Variants in PROKR1 observed in about 807,000 individuals in gnomAD.
PROKR1 encodes prokineticin receptor 1.
Under a neutral mutation model 22.8 loss-of-function variants are expected in PROKR1, and 21 were observed. That is an observed-to-expected ratio of 0.92 (90% CI 0.65 to 1.32). The LOEUF is 1.32. Ranked by LOEUF, PROKR1 falls within the 40% of genes most tolerant of loss-of-function variation. The pLI, the probability that PROKR1 is intolerant of heterozygous loss-of-function variation, is 0.00. For synonymous variants in PROKR1, 193 were observed against 207.5 expected (o/e 0.93, Z 0.60); for missense variants, 548 against 514.2 (o/e 1.07, Z -0.64).
chr2:68,649,491 CAGATGCTATTGCAAGCACTGG>C (rs1673264505), intron 2 of PROKR1: 1 of 152,150 alleles, frequency 6.6e-6, no homozygotes, highest in South Asian at 2.1e-4. Context: ...TGTGATGTGA[CAGATGCTATTGCAAGCACTGG>C]AGATACGACA....
chr2:68,646,381 G>C, intron 2 of PROKR1, 75 bp downstream of exon 2: 1 of 1,575,264 alleles, frequency 6.3e-7, no homozygotes, highest in Non-Finnish European at 8.7e-7. Context: ...CTCCTGTACT[G>C]CAGTTGCAGA....
Position 68,646,267 on chromosome 2 carries a change from A to C in PROKR1, c.446A>C (p.Tyr149Ser), listed in dbSNP as rs771163351. 9 of 1,614,088 alleles carry C rather than the reference A, an allele frequency of 5.6e-6. No homozygotes were observed. The highest frequency in any genetic ancestry group is 4.0e-5 in the African/African-American group (3 of 74,926). The change falls in exon 2 of 3, where the codon TAT becomes TCT. Residue 149 changes from tyrosine (Y) to serine (S), a missense_variant. Coordinates refer to ENST00000303786, the MANE Select transcript of PROKR1 (RefSeq NM_138964.4). The stretch of plus-strand genomic sequence containing the variant: ...AACTACCTGCGCACTGTCTCTCTCT[A>C]TGTCTCCACCAATGCCCTGCTGGCC... ...SVNYLRTVSL[Y>S]VSTNALLAIA... is the part of the protein sequence containing the mutation.
At chr2:68,653,620 C>G (rs1232792022) in intron 2 of PROKR1, among the ~76,000 whole-genome samples, 1 of 152,098 alleles carries the variant, frequency 6.6e-6, no homozygotes, top group Admixed American at 6.5e-5. Context: ...ACCAGTCAAT[C>G]CCCTCCCACT....
Position 68,655,699 on chromosome 2 carries a change from C to T in PROKR1, c.*123C>T. 1.1e-6 allele frequency: 1 copy of T among 906,908 alleles called. No individual in the cohort carries two copies. Among genetic ancestry groups the T allele is most frequent in the Non-Finnish European group, 1.7e-6 (1 of 578,578 alleles). The allele number at this position is 906,908 out of a possible 1,614,324, so 56.2% of individuals were successfully genotyped here. On this transcript the variant is annotated 3_prime_UTR_variant, in exon 3 of 3. Transcript: ENST00000303786. ...CAGAGGGTAAAGTAAATGGACCACT[C>T]TGTGAGCAATGTTTTCAAGGAGCTC...
At chr2:68,653,034 A>G (rs1673368873) in intron 2 of PROKR1, among the ~76,000 whole-genome samples, 1 of 152,222 alleles carries the variant, frequency 6.6e-6, no homozygotes, top group Admixed American at 6.5e-5. Context: ...AATCAGTGGA[A>G]TGTGGTGGGG....
In PROKR1 at chr2:68,645,888, C is replaced by T; in HGVS notation, c.67C>T (p.Leu23Phe). Residue 23 changes from leucine to phenylalanine, a missense_variant, in exon 2 of 3, where the codon CTC becomes TTC. Coordinates refer to ENST00000303786, the MANE Select transcript of PROKR1 (RefSeq NM_138964.4). ...TNTSTSFLSV[L>F]NPHGAHATSF... ...CACTTCCACCAGCTTCCTTTCTGTG[C>T]TCAACCCTCATGGAGCCCATGCCAC... 2 of 1,614,196 alleles carry T rather than the reference C, an allele frequency of 1.2e-6. No homozygotes were observed. The highest frequency in any genetic ancestry group is 2.2e-5 in the East Asian group (1 of 44,884).
Position 68,656,717 on chromosome 2 carries a change from G to A in PROKR1, c.*1141G>A, listed in dbSNP as rs1673480381. ...CCTCATCGATATGATTTGAGGGCAA[G>A]ATATCCTTATTACTGGCACCTGAAT... On this transcript the variant is annotated 3_prime_UTR_variant, in exon 3 of 3. Coordinates refer to ENST00000303786, the MANE Select transcript of PROKR1 (RefSeq NM_138964.4). The A allele has an allele frequency of 6.6e-6, 1 of 152,188 alleles. No individual in the cohort carries two copies. 9.4% of individuals were successfully genotyped at this position (152,188 alleles called of 1,614,324 possible).
intron 1 of PROKR1, among the ~76,000 whole-genome samples, chr2:68,645,387 A>G (rs1382493841): frequency 6.6e-6 from 1 of 152,158 alleles, no homozygotes; most frequent in East Asian, 1.9e-4. Context: ...CACACTCCCA[A>G]CTTTTGTCCT....
rs1246345252 is a variant in PROKR1 at position 68,643,657 on chromosome 2, G to C, written c.-352G>C. 2 of 152,346 alleles carry C rather than the reference G, an allele frequency of 1.3e-5. No individual in the cohort carries two copies. The highest frequency in any genetic ancestry group is 3.9e-4 in the East Asian group (2 of 5,194). The allele number at this position is 152,346 out of a possible 1,614,324, so 9.4% of individuals were successfully genotyped here. A position where few individuals can be genotyped will look rare whatever the true frequency, so the allele number is the denominator to read the frequency against. On this transcript the variant is annotated 5_prime_UTR_variant, in exon 1 of 3. Transcript: ENST00000303786. ...GAGGCGGGGACAGGGAGTCCGGCGCGGGCCGGGTCGGGGGATCTGCAGCGG... is the reference window on the plus strand; with the variant it reads ...GAGGCGGGGACAGGGAGTCCGGCGCCGGCCGGGTCGGGGGATCTGCAGCGG...
At position 68,643,744 on chromosome 2, in the gene PROKR1, G is replaced by C. The variant is rs1242760080; in HGVS notation, c.-265G>C. 1 of 152,318 alleles carries C rather than the reference G, an allele frequency of 6.6e-6. No individual in the cohort carries two copies. The highest frequency in any genetic ancestry group is 2.4e-5 in the African/African-American group (1 of 41,480). 9.4% of individuals were successfully genotyped at this position (152,318 alleles called of 1,614,324 possible). ...GAGCCCCGAGCAGAGGAGGAAGGGA[G>C]CGGGGACCTGCCCTTCGCCTGCCGG... On this transcript the variant is annotated 5_prime_UTR_variant, in exon 1 of 3. Coordinates refer to ENST00000303786, the MANE Select transcript of PROKR1 (RefSeq NM_138964.4).
At position 68,655,488 on chromosome 2, in the gene PROKR1, AC is replaced by A; in HGVS notation, c.1095del (p.Tyr365Ter). On this transcript the variant is annotated frameshift_variant, in exon 3 of 3. Transcript: ENST00000303786. LOFTEE classifies it high-confidence loss of function. ...KIMLLHWKAS[Y>X]NGGKSSADLD... ...ATGTTGCTCCACTGGAAGGCTTCTT[AC>A]AATGGCGGTAAGTCCAGTGCAGACC... 1 of 1,614,236 alleles carries A rather than the reference AC, an allele frequency of 6.2e-7. No homozygotes were observed. Among genetic ancestry groups the A allele is most frequent in the Non-Finnish European group, 8.5e-7 (1 of 1,180,016 alleles).
rs529585362 is a variant in PROKR1 at position 68,655,874 on chromosome 2, G to A, written c.*298G>A. The A allele has an allele frequency of 6.9e-6, 3 of 437,010 alleles. No individual in the cohort carries two copies. Among genetic ancestry groups the A allele is most frequent in the South Asian group, 4.3e-5 (2 of 46,400 alleles). The allele number at this position is 437,010 out of a possible 1,614,324, so 27.1% of individuals were successfully genotyped here. ...ATTGGAATTAAACCAAGGAAAATGTGGTGGTGTAGATAGAAATAAGGGAGT... is the reference window on the plus strand; with the variant it reads ...ATTGGAATTAAACCAAGGAAAATGTAGTGGTGTAGATAGAAATAAGGGAGT... On this transcript the variant is annotated 3_prime_UTR_variant, in exon 3 of 3. Coordinates refer to ENST00000303786, the MANE Select transcript of PROKR1 (RefSeq NM_138964.4).
intron 2 of PROKR1, 59 bp downstream of exon 2, chr2:68,646,365 T>TGCC: frequency 6.3e-7 from 1 of 1,596,900 alleles, no homozygotes; most frequent in African/African-American, 1.3e-5. Flanking sequence ...GCATTGGAAT[T>TGCC]GCCCCCTCCT....
Position 68,655,674 on chromosome 2 carries a change from C to T in PROKR1, c.*98C>T. On this transcript the variant is annotated 3_prime_UTR_variant, in exon 3 of 3. Coordinates refer to ENST00000303786, the MANE Select transcript of PROKR1 (RefSeq NM_138964.4). The stretch of plus-strand genomic sequence containing the variant: ...TCAACCTGGAACTTTTTGTTTGCTG[C>T]AGAGGGTAAAGTAAATGGACCACTC... The T allele has an allele frequency of 8.2e-7, 1 of 1,220,700 alleles. No individual in the cohort carries two copies. The highest frequency in any genetic ancestry group is 1.2e-6 in the Non-Finnish European group (1 of 854,670). The allele number at this position is 1,220,700 out of a possible 1,614,324, so 75.6% of individuals were successfully genotyped here.
intron 2 of PROKR1, among the ~76,000 whole-genome samples, 171 bp downstream of exon 2, chr2:68,646,477 C>G (rs1003989476): frequency 1.3e-5 from 2 of 152,212 alleles, no homozygotes; most frequent in African/African-American, 4.8e-5. Context: ...GAGAAGAGTT[C>G]TCCTTTTCCA....
intron 2 of PROKR1, 38 bp from the exon 3 acceptor site, chr2:68,654,842 T>C (rs755230189): frequency 1.0e-5 from 16 of 1,533,392 alleles, no homozygotes; most frequent in Non-Finnish European, 1.4e-5. Flanking sequence ...AGCACTTCTT[T>C]CTCACAGTGG....
chr2:68,654,817 A>T, intron 2 of PROKR1, 63 bp from the exon 3 acceptor site: 5 of 1,490,312 alleles, frequency 3.4e-6, no homozygotes. Context: ...AAAAAAAAAA[A>T]AAAAAAGATT....
Position 68,645,703 on chromosome 2 carries a change from C to T in PROKR1, c.-119C>T. Reference sequence around the variant, plus strand: ...AGATACCATACCCCAAAGATGCTGGCAGAGACATTCTGACTCATTAAGGGA... The same window carrying T: ...AGATACCATACCCCAAAGATGCTGGTAGAGACATTCTGACTCATTAAGGGA... On this transcript the variant is annotated 5_prime_UTR_variant, in exon 2 of 3. Coordinates refer to ENST00000303786, the MANE Select transcript of PROKR1 (RefSeq NM_138964.4). 2 of 1,382,550 alleles carry T rather than the reference C, an allele frequency of 1.4e-6. No individual in the cohort carries two copies. Among genetic ancestry groups the T allele is most frequent in the Non-Finnish European group, 1.0e-6 (1 of 981,842 alleles). 85.6% of individuals were successfully genotyped at this position (1,382,550 alleles called of 1,614,324 possible).
intron 2 of PROKR1, among the ~76,000 whole-genome samples, chr2:68,648,108 C>G (rs73933304): frequency 6.6e-6 from 1 of 152,054 alleles, no homozygotes; most frequent in Non-Finnish European, 1.5e-5. Context: ...ACTACATGTG[C>G]TCAGCTACTA....
Sources: gnomAD v4.1 joint callset for allele counts (sites outside exome capture counted in the v4.1 genomes callset) on GRCh38, gnomAD v4.1.1 for gene constraint, MANE v1.5 for transcripts, NCBI Gene and HGNC (gene_info 2026-07-23, HGNC 2026-07-21) for gene names.